CASD1: variants seen among roughly 807,000 people sequenced by gnomAD.
CASD1 encodes N-acetylneuraminate (7)9-O-acetyltransferase.
A neutral mutation model predicts 100.0 loss-of-function variants in CASD1; 41 were observed. That is an observed-to-expected ratio of 0.41 (90% confidence interval 0.32 to 0.53). The LOEUF (loss-of-function observed/expected upper bound fraction) is 0.53. CASD1 is among the 20% of genes least tolerant of loss of function. The pLI is 0.25. For missense variants in CASD1, 774 were observed against 948.7 expected, an observed-to-expected ratio of 0.82 and a Z score of 2.42; for synonymous variants, 321 against 315.6, an observed-to-expected ratio of 1.02 and a Z score of -0.18.
chr7:94,558,338 A>G (rs114271529), downstream of CASD1, among the ~76,000 whole-genome samples: 1,734 of 152,322 alleles, frequency 0.011, 35 homozygotes, highest in African/African-American at 0.04. Context: ...TGCATTGCAG[A>G]CAATTCAGTG....
At chr7:94,587,648 A>C in the CASD1 span, 7 of 1,464,682 alleles carry the variant, frequency 4.8e-6, no homozygotes, top group African/African-American at 3.0e-5. Flanking sequence ...TAGCACCAAC[A>C]CATCAATATA....
At chr7:94,603,742 A>G in the CASD1 span, among the ~76,000 whole-genome samples, 1 of 151,674 alleles carries the variant, frequency 6.6e-6, no homozygotes, top group South Asian at 2.1e-4. Context: ...CAATATAAAC[A>G]TGCATCATAT....
intron 1 of CASD1, among the ~76,000 whole-genome samples, chr7:94,510,729 G>A (rs1410774554): frequency 6.6e-6 from 1 of 152,220 alleles, no homozygotes; most frequent in Non-Finnish European, 1.5e-5. Flanking sequence ...CACCCAGTCT[G>A]GGCTGTTGGA....
At position 94,535,475 on chromosome 7, in the gene CASD1, C is replaced by T. The variant is rs146953436; in HGVS notation, c.795C>T (p.Ile265=). ...SVSKLIAQET[I]MESLDGLHLP... is the part of the protein sequence containing the mutation. ...CCAAATTAATTGCTCAAGAAACCAT[C>T]ATGGAATCTTTGGATGGCTTACATC... The change falls in exon 8 of 18, where the codon ATC becomes ATT. Residue 265 remains isoleucine (I), a synonymous_variant. Transcript: ENST00000297273. The T allele has an allele frequency of 1.4e-3, 2,215 of 1,613,640 alleles. 2 individuals are homozygous for T. The highest frequency in any genetic ancestry group is 1.6e-3 in the Non-Finnish European group (1,837 of 1,179,758).
the CASD1 span, among the ~76,000 whole-genome samples, chr7:94,584,153 G>T: frequency 2.0e-5 from 3 of 152,298 alleles, no homozygotes; most frequent in South Asian, 4.1e-4. Context: ...GATGAATAAA[G>T]TTCCTGATTT....
At chr7:94,570,098 C>T in the CASD1 span, among the ~76,000 whole-genome samples, 3 of 152,068 alleles carry the variant, frequency 2.0e-5, no homozygotes, top group Non-Finnish European at 4.4e-5. Flanking sequence ...CAGGCGTGAG[C>T]CACCGCACCT....
At chr7:94,534,860 CAAT>C (rs1795042699) in intron 7 of CASD1, among the ~76,000 whole-genome samples, 1 of 152,006 alleles carries the variant, frequency 6.6e-6, no homozygotes, top group Non-Finnish European at 1.5e-5. Context: ...CCTTGAGCCT[CAAT>C]AATATTACCT....
At chr7:94,628,438 C>A in the CASD1 span, 5 of 1,280,606 alleles carry the variant, frequency 3.9e-6, no homozygotes, top group South Asian at 6.3e-5. Flanking sequence ...TCAAAACATT[C>A]TGTCTAAAAT....
chr7:94,581,218 C>T, the CASD1 span, among the ~76,000 whole-genome samples: 7 of 152,172 alleles, frequency 4.6e-5, no homozygotes, highest in African/African-American at 1.2e-4. Flanking sequence ...TAGAACATAT[C>T]GTCAAGTCTC....
the CASD1 span, among the ~76,000 whole-genome samples, chr7:94,614,532 A>G: frequency 6.6e-6 from 1 of 152,070 alleles, no homozygotes; most frequent in African/African-American, 2.4e-5. Flanking sequence ...TTCTGAATCC[A>G]CTATGCTCTC....
At chr7:94,574,838 C>T in the CASD1 span, among the ~76,000 whole-genome samples, 2 of 152,082 alleles carry the variant, frequency 1.3e-5, no homozygotes, top group African/African-American at 2.4e-5. Flanking sequence ...GGCATGGCAG[C>T]GGGCACCTGT....
Position 94,552,419 on chromosome 7 carries a change from G to A in CASD1, c.2026G>A (p.Val676Met). Reference sequence around the variant, plus strand: ...CAATGAACTCCATCCGTCTGTTTCTGTGGTACAGGTACTATCTTGATTTAG... The same window carrying A: ...CAATGAACTCCATCCGTCTGTTTCTATGGTACAGGTACTATCTTGATTTAG... Reference protein sequence around the residue: ...ECNELHPSVSVVQILAFILIR... With the variant: ...ECNELHPSVSMVQILAFILIR... Residue 676 changes from valine (V) to methionine (M), a missense_variant, in exon 16 of 18, where the codon GTG becomes ATG. Transcript: ENST00000297273. 1 of 1,606,960 alleles carries A rather than the reference G, an allele frequency of 6.2e-7. No homozygotes were observed. Among genetic ancestry groups the A allele is most frequent in the Non-Finnish European group, 8.5e-7 (1 of 1,177,004 alleles).
At chr7:94,547,582 T>G (rs1025699337) in intron 13 of CASD1, among the ~76,000 whole-genome samples, 4 of 151,928 alleles carry the variant, frequency 2.6e-5, no homozygotes, top group Non-Finnish European at 5.9e-5. Context: ...TTTTAGCAGT[T>G]AGTACAACCA....
intron 10 of CASD1, among the ~76,000 whole-genome samples, chr7:94,543,204 G>A (rs1795502539): frequency 1.3e-5 from 2 of 152,050 alleles, no homozygotes; most frequent in Admixed American, 1.3e-4. Flanking sequence ...TATGGTCTAA[G>A]TTCATGTTTG....
the CASD1 span, chr7:94,587,526 A>G: frequency 4.6e-6 from 6 of 1,300,414 alleles, no homozygotes; most frequent in Non-Finnish European, 3.9e-6. Flanking sequence ...CTTTTAAAAA[A>G]TAGCTGTGAA....
In CASD1 at chr7:94,551,412, G is replaced by A; in HGVS notation, c.1890G>A (p.Lys630=). Residue 630 remains lysine (K), a synonymous_variant, in exon 15 of 18, where the codon AAG becomes AAA. Transcript: ENST00000297273. ...LQKRQILSEG[K]GEPLFSNKIS... The stretch of plus-strand genomic sequence containing the variant: ...AGCGTCAAATACTTTCTGAAGGAAA[G>A]GGTGAACCTCTTTTTTCAAACAAAA... 6.5e-7 allele frequency: 1 copy of A among 1,543,936 alleles called. No homozygotes were observed. Among genetic ancestry groups the A allele is most frequent in the Non-Finnish European group, 8.7e-7 (1 of 1,152,556 alleles).
At chr7:94,518,655 A>G (rs1419514742) in intron 3 of CASD1, among the ~76,000 whole-genome samples, 1 of 152,100 alleles carries the variant, frequency 6.6e-6, no homozygotes. Context: ...GTATTTTTCC[A>G]TACTTCTTTT....
At chr7:94,518,556 C>T (rs1464285125) in intron 3 of CASD1, among the ~76,000 whole-genome samples, 1 of 152,040 alleles carries the variant, frequency 6.6e-6, no homozygotes, top group East Asian at 1.9e-4. Flanking sequence ...TTTTAGTTTT[C>T]AGAAATAATA....
downstream of CASD1, among the ~76,000 whole-genome samples, chr7:94,558,948 T>A (rs1796291928): frequency 6.6e-6 from 1 of 151,962 alleles, no homozygotes. Flanking sequence ...TACAGGTGCC[T>A]GCCACCATAC....
Sources: gnomAD v4.1 joint callset for allele counts (sites outside exome capture counted in the v4.1 genomes callset) on GRCh38, gnomAD v4.1.1 for gene constraint, MANE v1.5 for transcripts, NCBI Gene and HGNC (gene_info 2026-07-23, HGNC 2026-07-21) for gene names.